The following TSHZ3 variants were observed in gnomAD, a reference collection of about 807,000 sequenced individuals.
The protein encoded by TSHZ3 is teashirt zinc finger homeobox 3.
TSHZ3 carries 10 observed loss-of-function variants against 64.5 expected under a neutral mutation model. The ratio of observed to expected loss-of-function variants is 0.16; its 90% CI spans 0.10 to 0.26. The LOEUF is 0.26. Ranked by LOEUF, TSHZ3 falls within the 10% of genes least tolerant of loss-of-function variation. The pLI is 1.00. For missense variants in TSHZ3, 1,242 were observed against 1,421.7 expected (o/e 0.87, Z 2.03); for synonymous variants, 608 against 593.1 (o/e 1.03, Z -0.36).
intron 1 of TSHZ3, among the ~76,000 whole-genome samples, chr19:31,341,334 G>A (rs1284176395): frequency 6.6e-6 from 1 of 152,098 alleles, no homozygotes; most frequent in Non-Finnish European, 1.5e-5. Flanking sequence ...GGGGTCTCAG[G>A]CAAACTTCCC....
intron 6 of TSHZ3, among the ~76,000 whole-genome samples, chr19:31,154,848 T>TC (rs568975303): frequency 3.9e-5 from 6 of 151,916 alleles, no homozygotes; most frequent in Admixed American, 6.6e-5. Context: ...CAGGGTTTTG[T>TC]GGGGGGACAC....
chr19:31,269,204 A>C (rs1176314730), intron 1 of TSHZ3, among the ~76,000 whole-genome samples: 2 of 152,102 alleles, frequency 1.3e-5, no homozygotes, highest in African/African-American at 4.8e-5. Context: ...AGCCTAGCCA[A>C]GCAGAAGAAC....
At chr19:31,212,333 C>A (rs1209017105) in intron 4 of TSHZ3, among the ~76,000 whole-genome samples, 12 of 152,066 alleles carry the variant, frequency 7.9e-5, no homozygotes, top group Admixed American at 3.3e-4. Flanking sequence ...TGGTGCACAC[C>A]TGTAATTCCA....
intron 4 of TSHZ3, among the ~76,000 whole-genome samples, chr19:31,216,384 A>G (rs1015541722): frequency 1.3e-5 from 2 of 152,092 alleles, no homozygotes; most frequent in African/African-American, 4.8e-5. Flanking sequence ...GGAGACAGTA[A>G]CACAAGGTAG....
intron 1 of TSHZ3, among the ~76,000 whole-genome samples, chr19:31,348,524 T>C (rs1344457060): frequency 1.4e-5 from 2 of 142,134 alleles, no homozygotes; most frequent in African/African-American, 5.3e-5. Context: ...CAGAACTAAG[T>C]GCTATGCGGA....
At chr19:31,263,200 A>T (rs1976004102) in intron 1 of TSHZ3, among the ~76,000 whole-genome samples, 1 of 152,214 alleles carries the variant, frequency 6.6e-6, no homozygotes, top group Non-Finnish European at 1.5e-5. Context: ...GGACAGGGAC[A>T]GGAAACTCTC....
intron 1 of TSHZ3, among the ~76,000 whole-genome samples, chr19:31,339,816 G>A (rs966251873): frequency 2.0e-5 from 3 of 150,790 alleles, no homozygotes; most frequent in Non-Finnish European, 4.4e-5. Context: ...AGGGGGGGGC[G>A]TTCTGCTGCT....
intron 3 of TSHZ3, among the ~76,000 whole-genome samples, chr19:31,235,820 C>T (rs971781259): frequency 6.7e-6 from 1 of 149,106 alleles, no homozygotes; most frequent in African/African-American, 2.5e-5. Context: ...GAACAATTCT[C>T]ATGCATGCCT....
chr19:31,338,570 CTTTT>C (rs918866513), intron 1 of TSHZ3, among the ~76,000 whole-genome samples: 1 of 128,102 alleles, frequency 7.8e-6, no homozygotes, highest in Non-Finnish European at 1.7e-5. Flanking sequence ...GTTGGTTTTT[CTTTT>C]TTTTTTCTTT....
exon 6 of TSHZ3, among the ~76,000 whole-genome samples, chr19:31,156,356 C>T (rs892819065): frequency 3.3e-5 from 5 of 152,116 alleles, no homozygotes; most frequent in African/African-American, 1.2e-4. Flanking sequence ...CTCCAAATAC[C>T]TTGTCTTTTC....
chr19:31,289,251 C>G (rs1449128100), intron 1 of TSHZ3, among the ~76,000 whole-genome samples: 1 of 152,166 alleles, frequency 6.6e-6, no homozygotes, highest in Non-Finnish European at 1.5e-5. Flanking sequence ...GCCTCTGGGT[C>G]TCCCAGACCC....
At chr19:31,334,694 T>G (rs1392840257) in intron 1 of TSHZ3, among the ~76,000 whole-genome samples, 2 of 152,172 alleles carry the variant, frequency 1.3e-5, no homozygotes, top group African/African-American at 4.8e-5. Flanking sequence ...AACACTCAAA[T>G]ATCAAGTTGA....
chr19:31,233,704 A>G (rs1975569927), intron 3 of TSHZ3, among the ~76,000 whole-genome samples: 1 of 152,166 alleles, frequency 6.6e-6, no homozygotes, highest in Non-Finnish European at 1.5e-5. Flanking sequence ...GAAGTTCTAC[A>G]GTTGAAGGCA....
intron 4 of TSHZ3, among the ~76,000 whole-genome samples, chr19:31,224,601 G>A (rs1207053259): frequency 3.3e-5 from 5 of 152,162 alleles, no homozygotes; most frequent in Non-Finnish European, 5.9e-5. Context: ...AGCCAGACGT[G>A]GTGGGTCAAT....
intron 1 of TSHZ3, among the ~76,000 whole-genome samples, chr19:31,325,942 T>C (rs1327283461): frequency 1.3e-5 from 2 of 152,218 alleles, no homozygotes; most frequent in East Asian, 1.9e-4. Flanking sequence ...CATTTTATTA[T>C]GTACAATGTA....
rs370350553 is a variant in TSHZ3 at position 31,170,039 on chromosome 19, A to C, written n.810-13622T>G. ...GCTAACAAGCAAGGTGAAATGTAGCATGAATGTTTTGAAAGCCATGGAGCC... is the reference window on the plus strand; with the variant it reads ...GCTAACAAGCAAGGTGAAATGTAGCCTGAATGTTTTGAAAGCCATGGAGCC... On this transcript the variant is annotated intron_variant and non_coding_transcript_variant, in intron 5 of 6. Coordinates refer to the TSHZ3 transcript ENST00000651361. Among the ~76,000 whole-genome samples, 94 of 152,358 alleles carry C rather than the reference A, an allele frequency of 6.2e-4. No homozygotes were observed. In the South Asian group the frequency reaches 8.5e-3, roughly 14 times the overall value.
intron 1 of TSHZ3, among the ~76,000 whole-genome samples, chr19:31,243,511 C>A (rs1975723387): frequency 1.3e-5 from 2 of 152,196 alleles, no homozygotes; most frequent in African/African-American, 4.8e-5. Context: ...TCATATAATG[C>A]CCTGAACTTT....
Position 31,277,305 on chromosome 19 carries a change from C to T in TSHZ3, c.2488G>A (p.Val830Ile), listed in dbSNP as rs752492388. Residue 830 changes from valine to isoleucine, a missense_variant, in exon 2 of 2, where the codon GTC (valine) becomes ATC (isoleucine). Physicochemically the swap from Val to Ile is conservative, Grantham distance 29. Around this residue, in one of 4 missense-constraint regions of TSHZ3, gnomAD observed 550 missense variants for 545.1 expected, o/e 1.01. Transcript: ENST00000240587. The surrounding 1 kb of genome is among the most constrained non-coding windows in gnomAD (Gnocchi z 4.5). ...STVTTAKTSA[V>I]VSFMSNSPLR... is the part of the protein sequence containing the mutation. The stretch of plus-strand genomic sequence containing the variant: ...GGCGAGTTTGACATGAATGATACGA[C>T]GGCAGATGTCTTTGCCGTTGTCACC... 4.0e-5 allele frequency: 64 copies of T among 1,613,262 alleles called. No homozygotes were observed. The East Asian group carries it at 7.8e-4, about 20-fold the overall frequency.
chr19:31,236,273 T>A (rs2145180072), intron 3 of TSHZ3, among the ~76,000 whole-genome samples: 1 of 152,326 alleles, frequency 6.6e-6, no homozygotes, highest in East Asian at 1.9e-4. Flanking sequence ...CAAAAGTTAC[T>A]TTTTCTCCAT....
Sources: gnomAD v4.1 joint callset for allele counts (sites outside exome capture counted in the v4.1 genomes callset) on GRCh38, gnomAD v4.1.1 for gene constraint, gnomAD v4.1.1 regional missense constraint, Gnocchi (gnomAD v3.1) non-coding constraint, MANE v1.5 for transcripts, NCBI Gene and HGNC (gene_info 2026-07-23, HGNC 2026-07-21) for gene names.